VEPH1: variants seen among roughly 807,000 people sequenced by gnomAD.
The protein encoded by VEPH1 is ventricular zone expressed PH domain containing 1, also known as ventricular zone-expressed PH domain-containing protein homolog 1.
Under a neutral mutation model 85.2 loss-of-function variants are expected in VEPH1, and 80 were observed. The ratio of observed to expected loss-of-function variants is 0.94; its 90% CI spans 0.78 to 1.13. The LOEUF is 1.13. VEPH1 is among the 50% of genes most tolerant of loss of function. VEPH1 has a pLI of 0.00. For synonymous variants in VEPH1, 297 were observed against 348.0 expected (o/e 0.85, Z 1.63); for missense variants, 955 against 980.5 (o/e 0.97, Z 0.35).
chr3:157,389,766 G>C (rs1729683002), intron 6 of VEPH1, among the ~76,000 whole-genome samples: 1 of 152,122 alleles, frequency 6.6e-6, no homozygotes, highest in Non-Finnish European at 1.5e-5. Context: ...AAAGGAAAAA[G>C]ATTTTCCAAA....
intron 6 of VEPH1, among the ~76,000 whole-genome samples, chr3:157,389,086 AT>A (rs1421707328): frequency 6.6e-6 from 1 of 152,192 alleles, no homozygotes; most frequent in South Asian, 2.1e-4. Flanking sequence ...CTCTGGTTAC[AT>A]TTTTGTTAAC....
chr3:157,318,636 G>A (rs200754359), intron 9 of VEPH1, among the ~76,000 whole-genome samples: 1 of 33,188 alleles, frequency 3.0e-5, no homozygotes, highest in Non-Finnish European at 5.7e-5. Flanking sequence ...AAAAAAAAAA[G>A]AAAGAAAGAA....
chr3:157,475,190 T>C (rs2034094), intron 2 of VEPH1, among the ~76,000 whole-genome samples: 95,764 of 146,316 alleles, frequency 0.65, 32,034 homozygotes, highest in African/African-American at 0.78. Context: ...TGGAGTCTCG[T>C]TATTTTTCCC....
intron 12 of VEPH1, among the ~76,000 whole-genome samples, chr3:157,282,477 A>C (rs73154694): frequency 0.18 from 27,591 of 152,258 alleles, 3,188 homozygotes; most frequent in Non-Finnish European, 0.27. Context: ...GAACCCAAGA[A>C]GACCTTCTAC....
chr3:157,347,180 T>C (rs773779399), intron 9 of VEPH1, among the ~76,000 whole-genome samples: 5 of 151,700 alleles, frequency 3.3e-5, no homozygotes, highest in Non-Finnish European at 7.4e-5. Context: ...TATAACAGTT[T>C]AAAAACTGTT....
At chr3:157,435,616 A>T (rs1733506481) in intron 4 of VEPH1, among the ~76,000 whole-genome samples, 1 of 152,202 alleles carries the variant, frequency 6.6e-6, no homozygotes, top group Non-Finnish European at 1.5e-5. Context: ...TGGTTATAGA[A>T]CTAATAACCC....
chr3:157,378,834 C>A (rs1044198702), intron 7 of VEPH1, among the ~76,000 whole-genome samples: 1 of 152,142 alleles, frequency 6.6e-6, no homozygotes, highest in African/African-American at 2.4e-5. Context: ...AGCTACATAT[C>A]TCTGGGTGTT....
At chr3:157,325,862 T>C (rs1317720793) in intron 9 of VEPH1, among the ~76,000 whole-genome samples, 1 of 152,220 alleles carries the variant, frequency 6.6e-6, no homozygotes, top group Non-Finnish European at 1.5e-5. Context: ...TTTCTAATTC[T>C]GTGAAGAATG....
chr3:157,369,989 A>G (rs530424271), intron 7 of VEPH1, among the ~76,000 whole-genome samples: 13 of 152,126 alleles, frequency 8.5e-5, no homozygotes, highest in African/African-American at 3.1e-4. Context: ...GTCACTTTTG[A>G]CCCCAGAGGT....
chr3:157,295,308 T>G (rs1469780974), intron 11 of VEPH1, among the ~76,000 whole-genome samples: 1 of 152,120 alleles, frequency 6.6e-6, no homozygotes, highest in Non-Finnish European at 1.5e-5. Flanking sequence ...TCTGCCAACT[T>G]GCTATTCAAG....
chr3:157,324,062 C>T (rs961378006), intron 9 of VEPH1, among the ~76,000 whole-genome samples: 1 of 152,024 alleles, frequency 6.6e-6, no homozygotes, highest in African/African-American at 2.4e-5. Context: ...ATTTATTTAT[C>T]TGTATTTTTT....
intron 4 of VEPH1, among the ~76,000 whole-genome samples, chr3:157,435,580 G>T (rs547765554): frequency 6.6e-6 from 1 of 152,264 alleles, no homozygotes; most frequent in South Asian, 2.1e-4. Context: ...CCTAAGCTTT[G>T]CTTCCACATG....
intron 4 of VEPH1, among the ~76,000 whole-genome samples, chr3:157,455,144 T>C (rs1014968772): frequency 6.6e-6 from 1 of 152,294 alleles, no homozygotes; most frequent in African/African-American, 2.4e-5. Flanking sequence ...AATAGTTCTA[T>C]TTTAACTTCT....
At chr3:157,369,184 A>AC (rs1727143281) in intron 7 of VEPH1, among the ~76,000 whole-genome samples, 1 of 136,796 alleles carries the variant, frequency 7.3e-6, no homozygotes, top group Non-Finnish European at 1.5e-5. Flanking sequence ...CCAAATGAAA[A>AC]AAAAAAAAAA....
intron 4 of VEPH1, among the ~76,000 whole-genome samples, chr3:157,430,373 T>C (rs1286434811): frequency 6.6e-6 from 1 of 152,244 alleles, no homozygotes; most frequent in Non-Finnish European, 1.5e-5. Flanking sequence ...CAACATTTTG[T>C]AGGAGTTATA....
chr3:157,341,102 C>G (rs1316810402), intron 9 of VEPH1, among the ~76,000 whole-genome samples: 1 of 152,196 alleles, frequency 6.6e-6, no homozygotes, highest in Non-Finnish European at 1.5e-5. Context: ...GCTGAAAATT[C>G]TAAAAATCAG....
intron 9 of VEPH1, among the ~76,000 whole-genome samples, chr3:157,343,424 T>C (rs1482033999): frequency 2.0e-5 from 3 of 152,132 alleles, no homozygotes; most frequent in Admixed American, 6.5e-5. Flanking sequence ...CTAGAAAATA[T>C]AGAAGAAATG....
intron 2 of VEPH1, among the ~76,000 whole-genome samples, chr3:157,471,881 T>G (rs575001375): frequency 4.0e-4 from 61 of 152,346 alleles, no homozygotes; most frequent in African/African-American, 1.2e-3. Context: ...TTGTCAATTT[T>G]GGGGCCTTAT....
intron 4 of VEPH1, chr3:157,459,573 T>C: frequency 8.9e-7 from 1 of 1,129,648 alleles, no homozygotes; most frequent in Non-Finnish European, 1.1e-6. Flanking sequence ...AAAAACATGT[T>C]TTTTGATTGA....
Sources: gnomAD v4.1 joint callset for allele counts (sites outside exome capture counted in the v4.1 genomes callset) on GRCh38, gnomAD v4.1.1 for gene constraint, MANE v1.5 for transcripts, NCBI Gene and HGNC (gene_info 2026-07-23, HGNC 2026-07-21) for gene names.